SLC66A1: variants seen among roughly 807,000 people sequenced by gnomAD.
The protein encoded by SLC66A1 is solute carrier family 66 member 1.
In SLC66A1, 23 loss-of-function variants were observed where a neutral mutation model predicts 33.0. That is an observed-to-expected ratio of 0.70 (90% CI 0.50 to 0.99). SLC66A1 has a LOEUF of 0.99. SLC66A1 is among the 50% of genes least tolerant of loss of function. The pLI is 0.00. For missense variants in SLC66A1, 335 were observed against 383.6 expected (o/e 0.87, Z 1.06); for synonymous variants, 164 against 175.5 (o/e 0.93, Z 0.52).
chr1:19,315,826 A>G (rs1484224923), intron 1 of SLC66A1, among the ~76,000 whole-genome samples: 2 of 152,082 alleles, frequency 1.3e-5, no homozygotes, highest in Non-Finnish European at 2.9e-5. Flanking sequence ...GGCTATGAGC[A>G]GGGGTGTAGG....
At chr1:19,314,091 C>A (rs992307875) in intron 1 of SLC66A1, among the ~76,000 whole-genome samples, 15 of 152,194 alleles carry the variant, frequency 9.9e-5, no homozygotes, top group African/African-American at 3.4e-4. Flanking sequence ...CCTTGGACAT[C>A]CATTTGCTCA....
intron 3 of SLC66A1, 42 bp downstream of exon 3, chr1:19,324,804 G>A: frequency 1.2e-6 from 2 of 1,607,258 alleles, no homozygotes; most frequent in Non-Finnish European, 1.7e-6. Flanking sequence ...CCCTAACCCT[G>A]CTTCACCCTG....
chr1:19,327,400 G>T lies in SLC66A1; in HGVS notation c.792G>T (p.Leu264=). Residue 264 remains leucine, a synonymous_variant, in exon 7 of 8, where the codon CTG becomes CTT. Transcript: ENST00000375153. ...TTGTGGGCAGCCTGGGCGTGCTGCT[G>T]CTCGACACCATCGTATCCTTCAGGG... is the stretch of plus-strand genomic sequence containing the variant. ...PWLVGSLGVL[L]LDTIISIQFL... is the part of the protein sequence containing the mutation. 6.3e-7 allele frequency: 1 copy of T among 1,593,752 alleles called. No individual in the cohort carries two copies. Among genetic ancestry groups the T allele is most frequent in the South Asian group, 1.1e-5 (1 of 87,432 alleles).
chr1:19,329,887 A>G (rs2093887751), downstream of SLC66A1, among the ~76,000 whole-genome samples: 2 of 152,120 alleles, frequency 1.3e-5, no homozygotes, highest in Admixed American at 1.3e-4. Flanking sequence ...AGGAGGAAGA[A>G]GTGGCGGGTA....
At chr1:19,315,594 G>A (rs745435376) in intron 1 of SLC66A1, among the ~76,000 whole-genome samples, 3 of 152,196 alleles carry the variant, frequency 2.0e-5, no homozygotes, top group South Asian at 2.1e-4. Context: ...GACACAAGTG[G>A]GAATGAAGGC....
intron 6 of SLC66A1, 139 bp from the exon 7 acceptor site, chr1:19,327,087 GC>G: frequency 4.6e-6 from 4 of 865,852 alleles, no homozygotes; most frequent in Non-Finnish European, 7.2e-6. Flanking sequence ...TGTGTGTCGG[GC>G]CCATATCCCT....
rs1321347305 is a variant in SLC66A1 at position 19,328,643 on chromosome 1, A to T, written c.876A>T (p.Ter292CysextTer5). 6.2e-7 allele frequency: 1 copy of T among 1,613,472 alleles called. No individual in the cohort carries two copies. The highest frequency in any genetic ancestry group is 8.5e-7 in the Non-Finnish European group (1 of 1,179,856). ...ASELEPLLPS* is the reference protein window; with the variant it reads ...ASELEPLLPSC Reference sequence around the variant, plus strand: ...AGCTTGAGCCCCTCCTCCCCAGCTGACCAGAACCAGGCTGAGCGCAGGAGG... The same window carrying T: ...AGCTTGAGCCCCTCCTCCCCAGCTGTCCAGAACCAGGCTGAGCGCAGGAGG... Residue 292 changes from the stop codon to cysteine (C), a stop_lost, in exon 8 of 8, where the codon TGA becomes TGT. Transcript: ENST00000375153. The surrounding 1 kb of genome is among the most constrained non-coding windows in gnomAD (Gnocchi z 4.7).
chr1:19,326,507 C>T (rs2093867996), intron 5 of SLC66A1, 24 bp from the exon 6 acceptor site: 2 of 1,613,972 alleles, frequency 1.2e-6, no homozygotes, highest in South Asian at 2.2e-5. Context: ...TACGAGACAC[C>T]AAGTGCCCCC....
chr1:19,328,293 A>T lies in SLC66A1; in HGVS notation c.805-279A>T, dbSNP rs779849212. On this transcript the variant is annotated intron_variant, in intron 7 of 7. Coordinates refer to ENST00000375153, the MANE Select transcript of SLC66A1 (RefSeq NM_001040125.2). This position sits in a 1 kb window ranked among gnomAD's most constrained non-coding sequence, Gnocchi z 4.7. The stretch of plus-strand genomic sequence containing the variant: ...ACGCCACAGCTGAGAGCAAGCGAAG[A>T]TCCTGGGCCAGGGTCAAGGGAGGCT... Among the ~76,000 whole-genome samples, 1 of 152,188 alleles carries T rather than the reference A, an allele frequency of 6.6e-6. No individual in the cohort carries two copies. Among genetic ancestry groups the T allele is most frequent in the Non-Finnish European group, 1.5e-5 (1 of 68,024 alleles).
chr1:19,326,524 C>T lies in SLC66A1; in HGVS notation c.526-7C>T, dbSNP rs1227538729. The T allele has an allele frequency of 3.7e-6, 6 of 1,614,100 alleles. No individual in the cohort carries two copies. The highest frequency in any genetic ancestry group is 5.1e-6 in the Non-Finnish European group (6 of 1,180,036). On this transcript the variant is annotated splice_polypyrimidine_tract_variant and splice_region_variant and intron_variant, in intron 5 of 7. Coordinates refer to ENST00000375153, the MANE Select transcript of SLC66A1 (RefSeq NM_001040125.2). ...CGAGACACCAAGTGCCCCCTTCTGC[C>T]CCACAGCCCTTCACCCGGCAGGAAG...
intron 1 of SLC66A1, among the ~76,000 whole-genome samples, chr1:19,314,185 C>T (rs1248401079): frequency 6.6e-6 from 1 of 152,222 alleles, no homozygotes; most frequent in Non-Finnish European, 1.5e-5. Context: ...CCAGGCCTTT[C>T]TGTTCAGGGA....
At position 19,327,270 on chromosome 1, in the gene SLC66A1, C is replaced by T. The variant is rs1185578484; in HGVS notation, c.662C>T (p.Ala221Val). ...STQGISYSLF[A>V]LVMLGNTLYG... is the part of the protein sequence containing the mutation. The stretch of plus-strand genomic sequence containing the variant: ...CAGGGGATCTCCTACTCTCTGTTCG[C>T]GCTGGTGATGCTGGGGAACACGCTG... Residue 221 changes from alanine (A) to valine (V), a missense_variant, in exon 7 of 8, where the codon GCG becomes GTG. Transcript: ENST00000375153. 1.7e-5 allele frequency: 27 copies of T among 1,613,792 alleles called. No homozygotes were observed. Among genetic ancestry groups the T allele is most frequent in the Middle Eastern group, 1.6e-4 (1 of 6,080 alleles).
chr1:19,327,617 C>G (rs1048603967), intron 7 of SLC66A1: 1 of 743,854 alleles, frequency 1.3e-6, no homozygotes, highest in Non-Finnish European at 2.4e-6. Flanking sequence ...ACCCTGGAGC[C>G]GTGAGTGAGC....
At chr1:19,327,525 ATCCATCCC>A (rs1447890178) in intron 7 of SLC66A1, 113 bp downstream of exon 7, 37 of 614,808 alleles carry the variant, frequency 6.0e-5, no homozygotes, top group Non-Finnish European at 9.0e-5. Context: ...CCGTCCATCC[ATCCATCCC>A]TCCCTCCCTC....
At chr1:19,332,712 G>A (rs544964093), downstream of SLC66A1, among the ~76,000 whole-genome samples, 49 of 152,328 alleles carry the variant, frequency 3.2e-4, no homozygotes, top group African/African-American at 1.0e-3. Flanking sequence ...CAAGTTAAAC[G>A]CCTCCACAGG....
chr1:19,327,250 G>T lies in SLC66A1; in HGVS notation c.642G>T (p.Gly214=), dbSNP rs1228146650. Residue 214 remains glycine (G), a synonymous_variant, in exon 7 of 8, where the codon GGG becomes GGT. Transcript: ENST00000375153. The part of the protein sequence containing the change: ...RTNFLRKSTQ[G]ISYSLFALVM... ...AGTTCCTCCGGAAGTCCACCCAGGG[G>T]ATCTCCTACTCTCTGTTCGCGCTGG... 6.2e-7 allele frequency: 1 copy of T among 1,613,906 alleles called. No individual in the cohort carries two copies. Among genetic ancestry groups the T allele is most frequent in the Non-Finnish European group, 8.5e-7 (1 of 1,179,898 alleles).
In SLC66A1 at chr1:19,320,666, T is replaced by C. The variant is rs372050390; in HGVS notation, c.164+2825T>C. Among the ~76,000 whole-genome samples, 195 of 151,786 alleles carry C rather than the reference T, an allele frequency of 1.3e-3. 1 individual carries two copies. The highest frequency in any genetic ancestry group is 2.1e-3 in the South Asian group (10 of 4,806). On this transcript the variant is annotated intron_variant, in intron 2 of 7. Transcript: ENST00000375153. ...TCCTGACCTTGTGATCCGCCCGCCTTGGCCTCCCAAAGTGCTGGGATTACA... is the reference window on the plus strand; with the variant it reads ...TCCTGACCTTGTGATCCGCCCGCCTCGGCCTCCCAAAGTGCTGGGATTACA...
At chr1:19,326,657 T>G in intron 6 of SLC66A1, 34 bp downstream of exon 6, 1 of 1,606,144 alleles carries the variant, frequency 6.2e-7, no homozygotes, top group Non-Finnish European at 8.5e-7. Context: ...TGGGGCCGAG[T>G]AGAGGAGAGC....
chr1:19,313,699 G>A (rs1021800419), intron 1 of SLC66A1, among the ~76,000 whole-genome samples: 2 of 152,234 alleles, frequency 1.3e-5, no homozygotes, highest in African/African-American at 4.8e-5. Flanking sequence ...GACTGAAGAC[G>A]TGGGTCAGGA....
Sources: gnomAD v4.1 joint callset for allele counts (sites outside exome capture counted in the v4.1 genomes callset) on GRCh38, gnomAD v4.1.1 for gene constraint, Gnocchi (gnomAD v3.1) non-coding constraint, MANE v1.5 for transcripts, NCBI Gene and HGNC (gene_info 2026-07-23, HGNC 2026-07-21) for gene names.